The following CDH18 variants were observed in gnomAD, a reference collection of about 807,000 sequenced individuals.
The protein encoded by CDH18 is cadherin-18.
CDH18 carries 31 observed loss-of-function variants against 67.9 expected under a neutral mutation model. The observed-to-expected ratio is 0.46, with a 90% CI of 0.34 to 0.62. CDH18 has a LOEUF of 0.62. Ranked by LOEUF, CDH18 falls within the 20% of genes least tolerant of loss-of-function variation. The pLI is 0.01. For missense variants in CDH18, 890 were observed against 975.5 expected (o/e 0.91, Z 1.17); for synonymous variants, 362 against 347.2 (o/e 1.04, Z -0.48).
intron 1 of CDH18, among the ~76,000 whole-genome samples, chr5:20,557,198 GACA>G (rs1757951608): frequency 2.0e-5 from 3 of 151,962 alleles, no homozygotes; most frequent in African/African-American, 2.4e-5. Context: ...TATATAATAA[GACA>G]TTTTATAAGG....
chr5:20,327,016 G>A (rs186659390), intron 1 of CDH18, among the ~76,000 whole-genome samples: 192 of 152,130 alleles, frequency 1.3e-3, no homozygotes, highest in African/African-American at 4.5e-3. Flanking sequence ...TTTACCACAC[G>A]GTTACATGTA....
At chr5:20,486,600 G>C (rs578246057) in intron 1 of CDH18, among the ~76,000 whole-genome samples, 1 of 151,056 alleles carries the variant, frequency 6.6e-6, no homozygotes, top group East Asian at 1.9e-4. Flanking sequence ...TTTTTGATGA[G>C]TCATAAGCAT....
At chr5:19,592,442 T>C (rs1424109624) in intron 6 of CDH18, among the ~76,000 whole-genome samples, 1 of 152,018 alleles carries the variant, frequency 6.6e-6, no homozygotes, top group Non-Finnish European at 1.5e-5. Context: ...ACATTATAAA[T>C]AACAGAAGCC....
At chr5:19,477,760 A>G (rs528488411) in intron 12 of CDH18, among the ~76,000 whole-genome samples, 2 of 152,110 alleles carry the variant, frequency 1.3e-5, no homozygotes, top group Non-Finnish European at 2.9e-5. Context: ...CTCTTCTTAC[A>G]GTGAGTCATC....
chr5:20,223,438 G>C (rs1741382553), intron 2 of CDH18, among the ~76,000 whole-genome samples: 3 of 152,126 alleles, frequency 2.0e-5, no homozygotes, highest in Non-Finnish European at 2.9e-5. Context: ...GACTTGCCTT[G>C]TCTCAGATGA....
chr5:19,960,242 A>G (rs1796656951), intron 2 of CDH18, among the ~76,000 whole-genome samples: 1 of 152,152 alleles, frequency 6.6e-6, no homozygotes, highest in African/African-American at 2.4e-5. Context: ...CAATTAGCTT[A>G]AAACAATCAC....
At chr5:20,480,670 C>T (rs1039559745) in intron 1 of CDH18, among the ~76,000 whole-genome samples, 9 of 152,148 alleles carry the variant, frequency 5.9e-5, no homozygotes, top group Non-Finnish European at 1.3e-4. Flanking sequence ...CCTCCTCAGC[C>T]TCCAAAAGTG....
chr5:19,516,892 T>A (rs1746108241), intron 10 of CDH18, among the ~76,000 whole-genome samples: 1 of 152,116 alleles, frequency 6.6e-6, no homozygotes, highest in African/African-American at 2.4e-5. Flanking sequence ...TTGAAGGATG[T>A]CTTTGTTGGT....
intron 6 of CDH18, among the ~76,000 whole-genome samples, chr5:19,602,074 A>G (rs1747230893): frequency 6.6e-6 from 1 of 152,184 alleles, no homozygotes; most frequent in African/African-American, 2.4e-5. Flanking sequence ...CTTTTATTCA[A>G]CATAATACTG....
chr5:19,793,468 T>C (rs1776567124), intron 3 of CDH18, among the ~76,000 whole-genome samples: 1 of 152,140 alleles, frequency 6.6e-6, no homozygotes, highest in South Asian at 2.1e-4. Context: ...AGGTTCATTA[T>C]TAAATGTACA....
At chr5:19,830,820 T>C (rs1020503812) in intron 3 of CDH18, among the ~76,000 whole-genome samples, 1 of 152,064 alleles carries the variant, frequency 6.6e-6, no homozygotes, top group African/African-American at 2.4e-5. Context: ...ATAATGACCA[T>C]GCGGCACATA....
At chr5:20,342,288 C>T (rs987152176) in intron 1 of CDH18, among the ~76,000 whole-genome samples, 1 of 152,078 alleles carries the variant, frequency 6.6e-6, no homozygotes, top group East Asian at 1.9e-4. Context: ...TCTGATGAAC[C>T]TATTTTGCCA....
chr5:20,251,190 G>T (rs1166969223), intron 2 of CDH18, among the ~76,000 whole-genome samples: 4 of 152,098 alleles, frequency 2.6e-5, no homozygotes, highest in Non-Finnish European at 4.4e-5. Context: ...CAGACTTAGG[G>T]ATGGTGCTGT....
rs1441444406 is a variant in CDH18, at chr5:19,887,254, T to G, written c.-256-48012A>C. The stretch of plus-strand genomic sequence containing the variant: ...TAACAGCGCATACTCACTACCAGTT[T>G]ATTCCCAAACAGCTTTCCAATGTAG... On this transcript the variant is annotated intron_variant, in intron 2 of 12. Transcript: ENST00000382275. Among the ~76,000 whole-genome samples the G allele has an allele frequency of 4.6e-5, 7 of 152,046 alleles. No homozygotes were observed. In the East Asian group the frequency reaches 1.4e-3, roughly 29 times the overall value.
At chr5:20,367,231 A>G (rs1253188586) in intron 1 of CDH18, among the ~76,000 whole-genome samples, 1 of 152,168 alleles carries the variant, frequency 6.6e-6, no homozygotes, top group African/African-American at 2.4e-5. Flanking sequence ...GATTCCCAGG[A>G]AAAGTGTAGG....
At chr5:20,520,049 C>A (rs977091166) in intron 1 of CDH18, among the ~76,000 whole-genome samples, 4 of 134,848 alleles carry the variant, frequency 3.0e-5, no homozygotes, top group Admixed American at 8.9e-5. Flanking sequence ...GATCTGACCC[C>A]TCGGTCTTCC....
intron 6 of CDH18, among the ~76,000 whole-genome samples, chr5:19,610,303 C>T (rs771167935): frequency 8.5e-5 from 13 of 152,134 alleles, no homozygotes; most frequent in Non-Finnish European, 1.6e-4. Flanking sequence ...TTTCACTGTA[C>T]ACTGATGCTT....
chr5:19,474,990 A>G (rs894330429), intron 12 of CDH18, among the ~76,000 whole-genome samples: 3 of 152,082 alleles, frequency 2.0e-5, no homozygotes, highest in African/African-American at 7.2e-5. Context: ...TATTTACTTC[A>G]GCTCTATAGA....
At position 20,183,946 on chromosome 5, in the gene CDH18, G is replaced by A. The variant is rs544172187; in HGVS notation, c.-518+71498C>T. Among the ~76,000 whole-genome samples, 6 of 152,066 alleles carry A rather than the reference G, an allele frequency of 3.9e-5. No homozygotes were observed. In the South Asian group the frequency reaches 1.2e-3, roughly 32 times the overall value. ...ATAATTTCAATTATTTTTATGGTAG[G>A]TAATGAAAGAATGACTTACACGAAA... On this transcript the variant is annotated intron_variant, in intron 2 of 14. Coordinates refer to the CDH18 transcript ENST00000507958.
Sources: allele counts gnomAD v4.1 joint callset (sites outside exome capture counted in the v4.1 genomes callset), GRCh38; gene constraint gnomAD v4.1.1; transcripts MANE v1.5; gene names NCBI Gene and HGNC (gene_info 2026-07-23, HGNC 2026-07-21).